Variants in GLI2 observed in about 807,000 individuals in gnomAD.
GLI2 encodes transcription activator GLI2.
In GLI2, 22 loss-of-function variants were observed where a neutral mutation model predicts 78.9. That is an observed-to-expected ratio of 0.28 (90% confidence interval 0.20 to 0.40). The LOEUF (loss-of-function observed/expected upper bound fraction) is 0.40. Ranked by LOEUF, GLI2 falls within the 10% of genes least tolerant of loss-of-function variation. The probability of loss-of-function intolerance (pLI) is 1.00; values close to 1 mark genes in which losing one functional copy is unlikely to be tolerated. For missense variants in GLI2, 2,097 were observed against 2,213.2 expected (o/e 0.95, Z 1.05); for synonymous variants, 974 against 963.7 (o/e 1.01, Z -0.20).
chr2:120,960,659 A>G (rs760421092), intron 5 of GLI2, among the ~76,000 whole-genome samples: 2 of 152,228 alleles, frequency 1.3e-5, no homozygotes, highest in Admixed American at 6.5e-5. Context: ...AAGTAACCTC[A>G]TCTGGGCCAT....
intron 2 of GLI2, among the ~76,000 whole-genome samples, chr2:120,895,786 C>A (rs1375842227): frequency 6.6e-6 from 1 of 152,172 alleles, no homozygotes; most frequent in African/African-American, 2.4e-5. Context: ...GGCCCGGAAC[C>A]CAGAGACACT....
chr2:120,821,288 G>C (rs753355322), intron 2 of GLI2, among the ~76,000 whole-genome samples: 2 of 152,170 alleles, frequency 1.3e-5, no homozygotes, highest in Non-Finnish European at 2.9e-5. Context: ...AAGGCCTGGT[G>C]TGCGATCTGT....
chr2:120,944,825 G>A (rs1367442916), intron 3 of GLI2, among the ~76,000 whole-genome samples: 1 of 152,242 alleles, frequency 6.6e-6, no homozygotes, highest in Non-Finnish European at 1.5e-5. Flanking sequence ...CTTGCTGGAT[G>A]TATTGCACGT....
intron 1 of GLI2, among the ~76,000 whole-genome samples, chr2:120,742,038 G>T (rs962051195): frequency 1.3e-5 from 2 of 152,242 alleles, no homozygotes; most frequent in African/African-American, 4.8e-5. Flanking sequence ...CGCTTCCCCA[G>T]GAGGGGCTTC....
rs775446679 is a variant in GLI2, at chr2:120,984,478, A to G, written c.1640A>G (p.Tyr547Cys). The G allele has an allele frequency of 6.2e-7, 1 of 1,614,130 alleles. No homozygotes were observed. The highest frequency in any genetic ancestry group is 8.5e-7 in the Non-Finnish European group (1 of 1,179,996). ...GCCTGCTTCTCTCCCCAGAAACCCT[A>G]CATCTGCAAGATCCCAGGCTGCACC... ...QNRTHSNEKP[Y>C]ICKIPGCTKR... The change falls in exon 12 of 14, where the codon TAC (tyrosine) becomes TGC (cysteine). Residue 547 changes from tyrosine (Y) to cysteine (C), a missense_variant. Transcript: ENST00000361492.
chr2:120,868,025 C>T (rs1444376068), intron 2 of GLI2, among the ~76,000 whole-genome samples: 2 of 152,196 alleles, frequency 1.3e-5, no homozygotes, highest in East Asian at 1.9e-4. Context: ...TCCTGCCCCC[C>T]CAGCCTCCCG....
chr2:120,921,241 T>C (rs563320426), intron 2 of GLI2, among the ~76,000 whole-genome samples: 1 of 147,070 alleles, frequency 6.8e-6, no homozygotes, highest in South Asian at 2.1e-4. Context: ...AGAGACTGTG[T>C]GTGCACGTGT....
intron 1 of GLI2, among the ~76,000 whole-genome samples, chr2:120,779,900 G>A (rs1451914584): frequency 6.6e-6 from 1 of 150,464 alleles, no homozygotes; most frequent in South Asian, 2.1e-4. Context: ...GCAGCTTAGA[G>A]AGTGTATACG....
chr2:120,879,198 G>A (rs1573526218), intron 2 of GLI2, among the ~76,000 whole-genome samples: 1 of 152,164 alleles, frequency 6.6e-6, no homozygotes, highest in East Asian at 1.9e-4. Context: ...CTTTCCTGGG[G>A]CCCAGCATGA....
chr2:120,980,763 T>G (rs1234151799), intron 10 of GLI2, among the ~76,000 whole-genome samples: 1 of 152,216 alleles, frequency 6.6e-6, no homozygotes, highest in Non-Finnish European at 1.5e-5. Context: ...AGACTTTTAT[T>G]TATAGAAATA....
chr2:120,966,301 A>T (rs961213031), intron 5 of GLI2, among the ~76,000 whole-genome samples: 9 of 152,170 alleles, frequency 5.9e-5, no homozygotes, highest in African/African-American at 2.2e-4. Flanking sequence ...GAAGACCCCA[A>T]GTCTGTGACA....
Position 120,970,492 on chromosome 2 carries a change from C to T in GLI2, c.945C>T (p.Pro315=), listed in dbSNP as rs997054628. The change falls in exon 7 of 14, where the codon CCC becomes CCT. Residue 315 remains proline (P), a synonymous_variant. Transcript: ENST00000361492. ...GGTCAGCCTTTGGACACACACCACC[C>T]CTGATCCAGCCCTCACCCACCTTCC... The part of the protein sequence containing the change: ...GLGSAFGHTP[P]LIQPSPTFLA... The T allele has an allele frequency of 2.5e-6, 4 of 1,613,984 alleles. No homozygotes were observed. The highest frequency in any genetic ancestry group is 3.4e-6 in the Non-Finnish European group (4 of 1,179,874).
At chr2:120,838,182 C>T (rs1686704816) in intron 2 of GLI2, among the ~76,000 whole-genome samples, 1 of 152,064 alleles carries the variant, frequency 6.6e-6, no homozygotes, top group Admixed American at 6.6e-5. Context: ...TCATAAGGGT[C>T]TTACACATTT....
At chr2:120,944,438 G>A (rs1680608979) in intron 3 of GLI2, among the ~76,000 whole-genome samples, 1 of 152,230 alleles carries the variant, frequency 6.6e-6, no homozygotes, top group South Asian at 2.1e-4. Flanking sequence ...CACTGAGGCT[G>A]CAACAGCACC....
intron 5 of GLI2, among the ~76,000 whole-genome samples, chr2:120,960,198 C>T (rs942869541): frequency 1.3e-5 from 2 of 152,238 alleles, no homozygotes; most frequent in African/African-American, 4.8e-5. Flanking sequence ...CAGCGCAGCC[C>T]TGTGTGAGTT....
chr2:120,951,529 C>A (rs528447410), intron 4 of GLI2, 84 bp downstream of exon 4: 63 of 823,164 alleles, frequency 7.7e-5, no homozygotes, highest in Admixed American at 3.5e-4. Flanking sequence ...ACACTGTCAA[C>A]TCCTCAGCCT....
chr2:120,959,461 A>G (rs1289763341), intron 5 of GLI2, among the ~76,000 whole-genome samples: 1 of 152,184 alleles, frequency 6.6e-6, no homozygotes, highest in Non-Finnish European at 1.5e-5. Flanking sequence ...GTCCAGGATT[A>G]TCTCCTATTT....
intron 2 of GLI2, among the ~76,000 whole-genome samples, chr2:120,917,888 CTA>C (rs1187999493): frequency 6.6e-6 from 1 of 152,232 alleles, no homozygotes; most frequent in Non-Finnish European, 1.5e-5. Flanking sequence ...GACACAGACA[CTA>C]GGGAAAGAAT....
intron 2 of GLI2, among the ~76,000 whole-genome samples, chr2:120,802,797 C>T (rs1041437514): frequency 2.0e-5 from 3 of 152,206 alleles, no homozygotes; most frequent in South Asian, 2.1e-4. Context: ...CAATGGCCAA[C>T]GCCCACCTCT....
Sources: gnomAD v4.1 joint callset for allele counts (sites outside exome capture counted in the v4.1 genomes callset) on GRCh38, gnomAD v4.1.1 for gene constraint, MANE v1.5 for transcripts, NCBI Gene and HGNC (gene_info 2026-07-23, HGNC 2026-07-21) for gene names.